The following GABRG2 variants were observed in gnomAD, a reference collection of about 807,000 sequenced individuals.
GABRG2 encodes the protein gamma-aminobutyric acid receptor subunit gamma-2.
GABRG2 carries 16 observed loss-of-function variants against 56.4 expected under a neutral mutation model. The observed-to-expected ratio is 0.28, with a 90% CI of 0.19 to 0.43. GABRG2 has a LOEUF of 0.43. GABRG2 is among the 20% of genes least tolerant of loss of function. The pLI is 1.00. For synonymous variants in GABRG2, 208 were observed against 205.5 expected (o/e 1.01, Z -0.10); for missense variants, 327 against 582.7 (o/e 0.56, Z 4.52).
intron 6 of GABRG2, among the ~76,000 whole-genome samples, chr5:162,116,995 C>T (rs1762666924): frequency 6.6e-6 from 1 of 152,168 alleles, no homozygotes; most frequent in Admixed American, 6.6e-5. Context: ...ACCATACTCT[C>T]AGAGAAAATA....
At chr5:162,109,845 G>A (rs369835403) in intron 6 of GABRG2, among the ~76,000 whole-genome samples, 2 of 152,064 alleles carry the variant, frequency 1.3e-5, no homozygotes, top group African/African-American at 4.8e-5. Flanking sequence ...TGAGATGTGG[G>A]CTAGAAAAGT....
At chr5:162,145,372 A>G (rs1428913083) in intron 7 of GABRG2, among the ~76,000 whole-genome samples, 1 of 152,194 alleles carries the variant, frequency 6.6e-6, no homozygotes, top group Non-Finnish European at 1.5e-5. Flanking sequence ...ACATCCCTGA[A>G]GAGCTTACTT....
At chr5:162,076,305 G>A (rs72821322) in intron 1 of GABRG2, among the ~76,000 whole-genome samples, 175 of 152,188 alleles carry the variant, frequency 1.1e-3, no homozygotes, top group Non-Finnish European at 2.0e-3. Flanking sequence ...TTTATCCCCT[G>A]ATATATCACC....
At chr5:162,135,153 T>C (rs996352124) in intron 6 of GABRG2, among the ~76,000 whole-genome samples, 14 of 152,116 alleles carry the variant, frequency 9.2e-5, no homozygotes, top group African/African-American at 3.1e-4. Context: ...GCTGAGAATC[T>C]CAAATCACCA....
intron 1 of GABRG2, among the ~76,000 whole-genome samples, chr5:162,092,286 T>C (rs1336565141): frequency 6.6e-6 from 1 of 152,124 alleles, no homozygotes; most frequent in East Asian, 1.9e-4. Flanking sequence ...GTGAAATTAA[T>C]GCTCCTTTAA....
intron 1 of GABRG2, among the ~76,000 whole-genome samples, chr5:162,086,620 A>G (rs1423570239): frequency 6.6e-6 from 1 of 151,956 alleles, no homozygotes; most frequent in Non-Finnish European, 1.5e-5. Context: ...TCTTACCTCA[A>G]ATAACTGCTG....
chr5:162,086,059 G>T (rs1224443862), intron 1 of GABRG2, among the ~76,000 whole-genome samples: 1 of 151,502 alleles, frequency 6.6e-6, no homozygotes, highest in East Asian at 1.9e-4. Flanking sequence ...TGCATGCTTT[G>T]TTTCATTATG....
intron 1 of GABRG2, among the ~76,000 whole-genome samples, chr5:162,092,421 T>A (rs1459047465): frequency 6.6e-6 from 1 of 152,168 alleles, no homozygotes; most frequent in Non-Finnish European, 1.5e-5. Flanking sequence ...GTTACTGTAA[T>A]CATTAAGTTG....
At chr5:162,076,770 C>G (rs1759148458) in intron 1 of GABRG2, among the ~76,000 whole-genome samples, 2 of 152,048 alleles carry the variant, frequency 1.3e-5, no homozygotes, top group Non-Finnish European at 2.9e-5. Context: ...AGGAAGGAAA[C>G]AATCTAAGCT....
At chr5:162,118,834 G>A (rs1762798081) in intron 6 of GABRG2, among the ~76,000 whole-genome samples, 1 of 152,062 alleles carries the variant, frequency 6.6e-6, no homozygotes, top group Non-Finnish European at 1.5e-5. Flanking sequence ...TGACTTTTCT[G>A]CAACTTTGGT....
intron 8 of GABRG2, chr5:162,149,570 G>A (rs1219398756): frequency 1.3e-6 from 1 of 757,688 alleles, no homozygotes; most frequent in Admixed American, 1.7e-5. Flanking sequence ...GGAGACTAAA[G>A]CCATTTTTGA....
Position 162,127,138 on chromosome 5 carries a change from T to A in GABRG2, c.770-15026T>A, listed in dbSNP as rs145898645. Among the ~76,000 whole-genome samples the A allele has an allele frequency of 1.6e-3, 238 of 152,070 alleles. 5 individuals are homozygous for A. In the East Asian group the frequency reaches 0.04, roughly 25 times the overall value. ...GACACGTAAGTAATGGAGATTAAGA[T>A]AGCAGGATTGCCGGAAGCTCATAAC... On this transcript the variant is annotated intron_variant, in intron 6 of 9. Coordinates refer to ENST00000639213, the MANE Select transcript of GABRG2 (RefSeq NM_198904.4).
At chr5:162,127,878 G>A (rs1305926808) in intron 6 of GABRG2, among the ~76,000 whole-genome samples, 1 of 151,968 alleles carries the variant, frequency 6.6e-6, no homozygotes, top group Non-Finnish European at 1.5e-5. Context: ...CAGAGTCAGG[G>A]TGTGAATCCA....
intron 1 of GABRG2, 49 bp from the exon 2 acceptor site, chr5:162,093,779 C>T (rs1207197824): frequency 6.4e-7 from 1 of 1,566,174 alleles, no homozygotes; most frequent in Admixed American, 1.7e-5. Context: ...GGATAAAAGT[C>T]AACTTGTGTG....
In GABRG2 at chr5:162,149,133, C is replaced by A. The variant is rs1207623268; in HGVS notation, c.948C>A (p.Thr316=). The A allele has an allele frequency of 1.2e-6, 2 of 1,613,806 alleles. No homozygotes were observed. Among genetic ancestry groups the A allele is most frequent in the East Asian group, 4.5e-5 (2 of 44,872 alleles). ...SLGITTVLTM[T]TLSTIARKSL... ...GTATCACCACTGTCCTGACAATGAC[C>A]ACCCTCAGCACCATTGCCCGGAAAT... Residue 316 remains threonine, a synonymous_variant, in exon 8 of 10, where the codon ACC becomes ACA. Coordinates refer to ENST00000639213, the MANE Select transcript of GABRG2 (RefSeq NM_198904.4).
chr5:162,075,409 C>T (rs539730644), intron 1 of GABRG2, among the ~76,000 whole-genome samples: 9 of 152,206 alleles, frequency 5.9e-5, no homozygotes, highest in African/African-American at 2.2e-4. Context: ...CCTTGTACTC[C>T]TAAGTCCTCT....
rs1753791672 is a variant in GABRG2, at chr5:162,155,326, A to G, written c.*1958A>G. ...TCAATGGTGAGAAACATTATTGTCAACTTGAAATGTGTTCTGTAATGGGGA... is the reference window on the plus strand; with the variant it reads ...TCAATGGTGAGAAACATTATTGTCAGCTTGAAATGTGTTCTGTAATGGGGA... On this transcript the variant is annotated 3_prime_UTR_variant, in exon 10 of 10. Transcript: ENST00000639213. The G allele has an allele frequency of 6.6e-6, 1 of 152,512 alleles. No homozygotes were observed. The highest frequency in any genetic ancestry group is 1.5e-5 in the Non-Finnish European group (1 of 68,018). The allele number at this position is 152,512 out of a possible 1,614,324, so 9.4% of individuals were successfully genotyped here. A position where few individuals can be genotyped will look rare whatever the true frequency, so the allele number is the denominator to read the frequency against.
At chr5:162,113,866 G>T (rs1470037912) in intron 6 of GABRG2, among the ~76,000 whole-genome samples, 2 of 152,170 alleles carry the variant, frequency 1.3e-5, no homozygotes. Context: ...CTTGTTACCA[G>T]TATTAGTGAC....
intron 6 of GABRG2, among the ~76,000 whole-genome samples, chr5:162,110,674 T>G (rs1206058571): frequency 1.3e-5 from 2 of 151,622 alleles, no homozygotes; most frequent in African/African-American, 4.8e-5. Flanking sequence ...TAAATGAAAA[T>G]AAAACCTAAA....
Sources: allele counts gnomAD v4.1 joint callset (sites outside exome capture counted in the v4.1 genomes callset), GRCh38; gene constraint gnomAD v4.1.1; transcripts MANE v1.5; gene names NCBI Gene and HGNC (gene_info 2026-07-23, HGNC 2026-07-21).